The following GRIN2A variants were observed in gnomAD, a reference collection of about 807,000 sequenced individuals.
GRIN2A encodes the protein glutamate receptor ionotropic, NMDA 2A.
GRIN2A carries 22 observed loss-of-function variants against 113.4 expected under a neutral mutation model. That is an observed-to-expected ratio of 0.19 (90% CI 0.14 to 0.28). The LOEUF (loss-of-function observed/expected upper bound fraction) is 0.28, where lower values mean the gene tolerates loss of function less well. Among genes scored for constraint, GRIN2A ranks in the 10% least tolerant of loss-of-function variants. GRIN2A has a pLI of 1.00. For missense variants in GRIN2A, 1,502 were observed against 1,887.0 expected, an observed-to-expected ratio of 0.80 and a Z score of 3.78; for synonymous variants, 827 against 738.4, an observed-to-expected ratio of 1.12 and a Z score of -1.94.
intron 2 of GRIN2A, among the ~76,000 whole-genome samples, chr16:10,074,758 A>C (rs982712646): frequency 2.0e-5 from 3 of 152,212 alleles, no homozygotes; most frequent in Non-Finnish European, 2.9e-5. Context: ...GGCTAAAAAT[A>C]TGAGGTTTCT....
intron 2 of GRIN2A, among the ~76,000 whole-genome samples, chr16:10,105,737 T>A (rs2048487029): frequency 6.6e-6 from 1 of 151,848 alleles, no homozygotes; most frequent in African/African-American, 2.4e-5. Context: ...TGAAACCCCA[T>A]CTCTGCTAAA....
intron 2 of GRIN2A, among the ~76,000 whole-genome samples, chr16:10,123,940 T>G (rs753327408): frequency 1.3e-5 from 2 of 152,288 alleles, no homozygotes; most frequent in East Asian, 1.9e-4. Context: ...CTCGGCACAG[T>G]GTATGGCACA....
chr16:10,118,185 C>T (rs536740174), intron 2 of GRIN2A, among the ~76,000 whole-genome samples: 1 of 152,180 alleles, frequency 6.6e-6, no homozygotes, highest in Non-Finnish European at 1.5e-5. Context: ...TACAGGAAGA[C>T]GTTCTCGAAG....
intron 2 of GRIN2A, among the ~76,000 whole-genome samples, chr16:10,102,798 G>A (rs1298726047): frequency 6.6e-6 from 1 of 152,160 alleles, no homozygotes; most frequent in Non-Finnish European, 1.5e-5. Flanking sequence ...CACAGAGCTA[G>A]CAAGAGGTAG....
intron 2 of GRIN2A, among the ~76,000 whole-genome samples, chr16:10,147,455 C>CAAAAAAAA (rs367830700): frequency 0.015 from 1,076 of 72,906 alleles, no homozygotes; most frequent in Non-Finnish European, 0.019. Flanking sequence ...ACTAAAAATA[C>CAAAAAAAA]AAAAAAAAAA....
intron 2 of GRIN2A, among the ~76,000 whole-genome samples, chr16:10,102,162 C>A (rs1481667723): frequency 6.6e-6 from 1 of 152,218 alleles, no homozygotes; most frequent in African/African-American, 2.4e-5. Flanking sequence ...TCCCTCCAAA[C>A]TCATGTTGAA....
intron 2 of GRIN2A, among the ~76,000 whole-genome samples, chr16:10,118,268 A>G (rs2048766923): frequency 6.6e-6 from 1 of 152,086 alleles, no homozygotes; most frequent in African/African-American, 2.4e-5. Context: ...CTGATCAAAT[A>G]AATGTTCCTG....
chr16:9,764,558 C>T lies in GRIN2A; in HGVS notation c.2986G>A (p.Val996Met), dbSNP rs1201972116. ...GATTCTGTGCTCACGGCCACCTCCA[C>T]CGTGTTAGGGTTGGACTCATTGAGA... ...LTLNESNPNTVEVAVSTESKA... is the reference protein window; with the variant it reads ...LTLNESNPNTMEVAVSTESKA... The change falls in exon 13 of 13, where the codon GTG becomes ATG. Residue 996 changes from valine to methionine, a missense_variant. Physicochemically the swap from Val to Met is conservative, Grantham distance 21 (BLOSUM62 1). Around this residue, in one of 7 missense-constraint regions of GRIN2A, gnomAD observed 832 missense variants for 789.7 expected, o/e 1.05. Transcript: ENST00000330684. 1.2e-6 allele frequency: 2 copies of T among 1,613,946 alleles called. No homozygotes were observed. Among genetic ancestry groups the T allele is most frequent in the East Asian group, 2.2e-5 (1 of 44,864 alleles).
chr16:9,855,109 T>C (rs1168707995), intron 4 of GRIN2A, among the ~76,000 whole-genome samples: 1 of 151,978 alleles, frequency 6.6e-6, no homozygotes, highest in African/African-American at 2.4e-5. Context: ...ACCCCTCTCT[T>C]CTCTCCTTTA....
chr16:10,161,986 A>G (rs2049817253), intron 2 of GRIN2A, among the ~76,000 whole-genome samples: 1 of 152,210 alleles, frequency 6.6e-6, no homozygotes, highest in Admixed American at 6.5e-5. Flanking sequence ...TAATTTAATT[A>G]TATTTGCAAA....
At chr16:9,931,810 C>T (rs886785026) in intron 3 of GRIN2A, among the ~76,000 whole-genome samples, 2 of 152,186 alleles carry the variant, frequency 1.3e-5, no homozygotes, top group Non-Finnish European at 2.9e-5. Flanking sequence ...TATACATACC[C>T]ATGTACATAT....
At chr16:9,847,268 T>C (rs946146886) in intron 5 of GRIN2A, among the ~76,000 whole-genome samples, 1 of 151,988 alleles carries the variant, frequency 6.6e-6, no homozygotes, top group Non-Finnish European at 1.5e-5. Context: ...TTAAAAAGAC[T>C]AAAGGAAGCC....
intron 2 of GRIN2A, among the ~76,000 whole-genome samples, chr16:9,964,291 C>G (rs2045507501): frequency 6.6e-6 from 1 of 152,236 alleles, no homozygotes; most frequent in South Asian, 2.1e-4. Context: ...AATCCTGCAT[C>G]TACCACTTGA....
intron 3 of GRIN2A, among the ~76,000 whole-genome samples, chr16:9,897,396 A>G (rs2043827887): frequency 6.6e-6 from 1 of 151,932 alleles, no homozygotes; most frequent in Non-Finnish European, 1.5e-5. Flanking sequence ...GGTAGACAAT[A>G]TTTCCTATAT....
chr16:9,820,638 G>A (rs902267229), intron 10 of GRIN2A, among the ~76,000 whole-genome samples: 5 of 152,072 alleles, frequency 3.3e-5, no homozygotes, highest in Non-Finnish European at 5.9e-5. Flanking sequence ...AGCCAAAGAC[G>A]ACAAAAAAGA....
At chr16:9,985,042 G>GCACA (rs796541373) in intron 2 of GRIN2A, among the ~76,000 whole-genome samples, 5 of 151,280 alleles carry the variant, frequency 3.3e-5, no homozygotes, top group African/African-American at 1.2e-4. Context: ...ATGCATGCGT[G>GCACA]CACACACACA....
At chr16:9,988,284 C>CGTGT (rs4031160) in intron 2 of GRIN2A, among the ~76,000 whole-genome samples, 6,664 of 146,784 alleles carry the variant, frequency 0.045, 389 homozygotes, top group African/African-American at 0.14. Context: ...TGTGTGTGTG[C>CGTGT]GTGTGTGTGT....
At chr16:9,789,036 C>T (rs1038034656) in intron 11 of GRIN2A, among the ~76,000 whole-genome samples, 2 of 152,178 alleles carry the variant, frequency 1.3e-5, no homozygotes, top group African/African-American at 4.8e-5. Context: ...GCCACTGCAC[C>T]CAGCCTTCTC....
At chr16:9,777,232 C>T (rs964937478) in intron 11 of GRIN2A, among the ~76,000 whole-genome samples, 9 of 151,702 alleles carry the variant, frequency 5.9e-5, no homozygotes, top group Admixed American at 5.9e-4. Flanking sequence ...TAAAAACTCT[C>T]AAAAGGACAA....
Sources: allele counts gnomAD v4.1 joint callset (sites outside exome capture counted in the v4.1 genomes callset), GRCh38; gene constraint gnomAD v4.1.1; regional missense constraint gnomAD v4.1.1; transcripts MANE v1.5; gene names NCBI Gene and HGNC (gene_info 2026-07-23, HGNC 2026-07-21).